The following LYRM4 variants were observed in gnomAD, a reference collection of about 807,000 sequenced individuals.
LYRM4 encodes LYR motif-containing protein 4.
A neutral mutation model predicts 11.7 loss-of-function variants in LYRM4; 9 were observed. That is an observed-to-expected ratio of 0.77 (90% CI 0.46 to 1.34). The LOEUF is 1.34. Among genes scored for constraint, LYRM4 ranks in the 40% most tolerant of loss-of-function variants. The pLI is 0.00. For synonymous variants in LYRM4, 42 were observed against 40.4 expected, an observed-to-expected ratio of 1.04 and a Z score of -0.15; for missense variants, 133 against 112.5, an observed-to-expected ratio of 1.18 and a Z score of -0.82.
chr6:5,167,117 A>G (rs1759130747), intron 2 of LYRM4, among the ~76,000 whole-genome samples: 1 of 152,162 alleles, frequency 6.6e-6, no homozygotes, highest in African/African-American at 2.4e-5. Context: ...GGCTTGAGGC[A>G]TTTTGTTCAG....
At chr6:5,246,928 G>T (rs776235910) in intron 1 of LYRM4, among the ~76,000 whole-genome samples, 1 of 152,148 alleles carries the variant, frequency 6.6e-6, no homozygotes, top group Non-Finnish European at 1.5e-5. Flanking sequence ...TGCAAAGAGG[G>T]AAATGGGTGA....
At chr6:5,076,822 A>AGTCACTCAATCACACGATCAC in the LYRM4 span, among the ~76,000 whole-genome samples, 4 of 152,300 alleles carry the variant, frequency 2.6e-5, no homozygotes, top group Admixed American at 1.3e-4. Context: ...GCATCGATCT[A>AGTCACTCAATCACACGATCAC]GTCACTCAAT....
chr6:5,131,587 C>G (rs1581340510), intron 2 of LYRM4, among the ~76,000 whole-genome samples: 2 of 152,092 alleles, frequency 1.3e-5, no homozygotes, highest in Admixed American at 6.5e-5. Context: ...CCAAAGACAA[C>G]AAAGAAAACA....
intron 1 of LYRM4, chr6:5,240,756 A>G (rs1763829157): frequency 6.6e-6 from 1 of 152,268 alleles, no homozygotes. Context: ...TTAGGGAGTA[A>G]CAACTAAAGA....
At chr6:5,219,912 G>C (rs1762488363) in intron 1 of LYRM4, among the ~76,000 whole-genome samples, 1 of 152,114 alleles carries the variant, frequency 6.6e-6, no homozygotes, top group South Asian at 2.1e-4. Context: ...AACTAACGCA[G>C]AAAGGGCAAC....
At chr6:5,162,505 G>T (rs1374298723) in intron 2 of LYRM4, among the ~76,000 whole-genome samples, 1 of 146,124 alleles carries the variant, frequency 6.8e-6, no homozygotes, top group Non-Finnish European at 1.5e-5. Flanking sequence ...GAGCGAGAGA[G>T]AGAGAGAGAG....
chr6:5,145,802 T>C (rs1470239817), intron 2 of LYRM4, among the ~76,000 whole-genome samples: 1 of 152,210 alleles, frequency 6.6e-6, no homozygotes. Flanking sequence ...TCTAGTAATA[T>C]TGACTGCTAG....
chr6:5,204,942 G>C (rs1363482961), intron 2 of LYRM4, among the ~76,000 whole-genome samples: 1 of 152,220 alleles, frequency 6.6e-6, no homozygotes, highest in African/African-American at 2.4e-5. Context: ...GCAAGTCAGA[G>C]TCTGGACTGG....
chr6:5,104,336 G>A (rs920850373), downstream of LYRM4: 1 of 151,844 alleles, frequency 6.6e-6, no homozygotes, highest in Non-Finnish European at 1.5e-5. Context: ...GTGCAGTGGT[G>A]CGATCATGGC....
intron 1 of LYRM4, chr6:5,218,356 A>G (rs1310374881): frequency 1.0e-6 from 1 of 985,126 alleles, no homozygotes; most frequent in Non-Finnish European, 1.2e-6. Context: ...TTTCCTTGGG[A>G]GCAGCGCGGA....
At chr6:5,136,937 AT>A in intron 2 of LYRM4, 1 of 613,392 alleles carries the variant, frequency 1.6e-6, no homozygotes, top group Non-Finnish European at 2.0e-6. Flanking sequence ...ACCACAATCA[AT>A]TTTAGAGCAT....
the LYRM4 span, chr6:5,054,503 C>G: frequency 6.5e-6 from 1 of 153,766 alleles, no homozygotes; most frequent in African/African-American, 2.4e-5. Context: ...CTGACAAATT[C>G]CTGGTAACAG....
At chr6:5,086,639 C>G in the LYRM4 span, 1 of 1,223,042 alleles carries the variant, frequency 8.2e-7, no homozygotes, top group Non-Finnish European at 1.1e-6. Flanking sequence ...AAGGAACTTG[C>G]TGGGACGCTT....
intron 2 of LYRM4, among the ~76,000 whole-genome samples, chr6:5,211,075 A>G (rs1581514329): frequency 1.3e-5 from 2 of 152,344 alleles, no homozygotes; most frequent in East Asian, 3.9e-4. Flanking sequence ...TCAAATATTA[A>G]TAATACTTAA....
chr6:5,227,108 G>A lies in LYRM4; in HGVS notation c.87-10370C>T, dbSNP rs114521617. 6.0e-3 allele frequency among the ~76,000 whole-genome samples: 918 copies of A among 152,270 alleles called. 11 individuals carry two copies. Among genetic ancestry groups the A allele is most frequent in the South Asian group, 0.043 (210 of 4,830 alleles). On this transcript the variant is annotated intron_variant, in intron 1 of 2. Coordinates refer to ENST00000330636, the MANE Select transcript of LYRM4 (RefSeq NM_020408.6). ...ATATTTTTAGACCGTTTATTTTGAG[G>A]CAACAATGGGACAAGGTAGACATGT...
At chr6:5,217,139 C>T (rs892772667) in intron 1 of LYRM4, among the ~76,000 whole-genome samples, 25 of 152,152 alleles carry the variant, frequency 1.6e-4, no homozygotes, top group Non-Finnish European at 3.5e-4. Context: ...GGCGACAATG[C>T]GAGACCCTGT....
chr6:5,117,148 T>G (rs375238101), intron 2 of LYRM4, among the ~76,000 whole-genome samples: 60 of 152,276 alleles, frequency 3.9e-4, no homozygotes, highest in Middle Eastern at 3.4e-3. Context: ...CCCAAACATA[T>G]GAAATGTCCT....
At chr6:5,259,641 C>A (rs1423907028) in intron 1 of LYRM4, among the ~76,000 whole-genome samples, 1 of 152,170 alleles carries the variant, frequency 6.6e-6, no homozygotes. Flanking sequence ...GCCTACCTAA[C>A]CAGGTGTGTT....
intron 1 of LYRM4, among the ~76,000 whole-genome samples, chr6:5,258,755 A>G (rs17139944): frequency 0.02 from 3,024 of 152,346 alleles, 90 homozygotes; most frequent in African/African-American, 0.069. Flanking sequence ...TTAGCTTAAA[A>G]GTATATGCTT....
Sources: gnomAD v4.1 joint callset for allele counts (sites outside exome capture counted in the v4.1 genomes callset) on GRCh38, gnomAD v4.1.1 for gene constraint, MANE v1.5 for transcripts, NCBI Gene and HGNC (gene_info 2026-07-23, HGNC 2026-07-21) for gene names.